The following SYT11 variants were observed in gnomAD, a reference collection of about 807,000 sequenced individuals.
SYT11 encodes synaptotagmin 11.
A neutral mutation model predicts 30.4 loss-of-function variants in SYT11; 12 were observed. The ratio of observed to expected loss-of-function variants is 0.39; its 90% CI spans 0.25 to 0.64. SYT11 has a LOEUF of 0.64. Among genes scored for constraint, SYT11 ranks in the 30% least tolerant of loss-of-function variants. The pLI, the probability that SYT11 is intolerant of heterozygous loss-of-function variation, is 0.45. For missense variants in SYT11, 412 were observed against 552.0 expected (o/e 0.75, Z 2.54); for synonymous variants, 204 against 216.0 (o/e 0.94, Z 0.49).
At position 155,884,999 on chromosome 1, in the gene SYT11, C is replaced by T. The variant is rs1164505007; in HGVS notation, c.*3491C>T. On this transcript the variant is annotated 3_prime_UTR_variant, in exon 4 of 4. Coordinates refer to ENST00000368324, the MANE Select transcript of SYT11 (RefSeq NM_152280.5). ...GTTGTCTTTCTTTACCTTGTGTCTT[C>T]TCTTGTAAAAATGAAACTCAAAAAT... 1 of 152,230 alleles carries T rather than the reference C, an allele frequency of 6.6e-6. No homozygotes were observed. Among genetic ancestry groups the T allele is most frequent in the African/African-American group, 2.4e-5 (1 of 41,248 alleles). The allele number at this position is 152,230 out of a possible 1,614,324, so 9.4% of individuals were successfully genotyped here.
intron 1 of SYT11, among the ~76,000 whole-genome samples, chr1:155,861,112 C>T (rs1033883573): frequency 6.6e-6 from 1 of 152,064 alleles, no homozygotes; most frequent in Non-Finnish European, 1.5e-5. Flanking sequence ...GTGCTCTATC[C>T]CCTCAGAATA....
intron 1 of SYT11, among the ~76,000 whole-genome samples, chr1:155,863,576 C>G (rs1015224496): frequency 1.3e-5 from 2 of 152,034 alleles, no homozygotes; most frequent in African/African-American, 2.4e-5. Context: ...TGCTTGAGCC[C>G]AGGAGTTCAA....
rs371443128 is a variant in SYT11, at chr1:155,868,072, C to T, written c.142C>T (p.Gln48Ter). ...SCCHQQAEKK[Q>*]KNPPYKFIHM... Reference sequence around the variant, plus strand: ...CTGCCACCAGCAGGCAGAGAAGAAGCAGAAGAACCCACCATACAAGTTTAT... The same window carrying T: ...CTGCCACCAGCAGGCAGAGAAGAAGTAGAAGAACCCACCATACAAGTTTAT... The change falls in exon 2 of 4, where the codon CAG becomes TAG. Residue 48 changes from glutamine (Q) to a stop codon, truncating the protein, a stop_gained. Coordinates refer to ENST00000368324, the MANE Select transcript of SYT11 (RefSeq NM_152280.5). LOFTEE classifies it high-confidence loss of function. The surrounding 1 kb of genome is among the most constrained non-coding windows in gnomAD (Gnocchi z 4.7). The T allele has an allele frequency of 2.5e-6, 4 of 1,613,860 alleles. No individual in the cohort carries two copies. Among genetic ancestry groups the T allele is most frequent in the East Asian group, 4.5e-5 (2 of 44,878 alleles).
In SYT11 at chr1:155,883,462, A is replaced by G. The variant is rs61813622; in HGVS notation, c.*1954A>G. On this transcript the variant is annotated 3_prime_UTR_variant, in exon 4 of 4. Transcript: ENST00000368324. ...AGGTGGGAGGATCATTTGAGCCCAGAGGTAGAGGCTGCAGTGAGCCATGAT... is the reference window on the plus strand; with the variant it reads ...AGGTGGGAGGATCATTTGAGCCCAGGGGTAGAGGCTGCAGTGAGCCATGAT... 1.3e-5 allele frequency: 2 copies of G among 152,190 alleles called. No individual in the cohort carries two copies. Among genetic ancestry groups the G allele is most frequent in the Non-Finnish European group, 2.9e-5 (2 of 68,072 alleles). The allele number at this position is 152,190 out of a possible 1,614,324, so 9.4% of individuals were successfully genotyped here.
rs533627639 is a variant in SYT11, at chr1:155,859,868, G to T, written c.34+73G>T. 4.3e-6 allele frequency: 6 copies of T among 1,400,154 alleles called. No homozygotes were observed. The Admixed American group carries it at 1.0e-4, about 23-fold the overall frequency. 86.7% of individuals were successfully genotyped at this position (1,400,154 alleles called of 1,614,324 possible). ...AAGGCCAAGGGGGCCCAGCGGCAGG[G>T]CAGAGAATGCAGCCCAGACCAGAGC... On this transcript the variant is annotated intron_variant, in intron 1 of 3. Coordinates refer to ENST00000368324, the MANE Select transcript of SYT11 (RefSeq NM_152280.5).
chr1:155,868,380 A>T lies in SYT11; in HGVS notation c.450A>T (p.Ser150=). ...GGGAGAGCAAAACCACCTCTCCATCATCTCCAGAGGAGGATGTCATGCTAG... is the reference window on the plus strand; with the variant it reads ...GGGAGAGCAAAACCACCTCTCCATCTTCTCCAGAGGAGGATGTCATGCTAG... ...TPGESKTTSP[S]SPEEDVMLGS... The change falls in exon 2 of 4, where the codon TCA becomes TCT. Residue 150 remains serine, a synonymous_variant. Transcript: ENST00000368324. The surrounding 1 kb of genome is among the most constrained non-coding windows in gnomAD (Gnocchi z 4.7). 1 of 1,614,038 alleles carries T rather than the reference A, an allele frequency of 6.2e-7. No homozygotes were observed. Among genetic ancestry groups the T allele is most frequent in the Non-Finnish European group, 8.5e-7 (1 of 1,179,994 alleles).
chr1:155,877,883 A>T (rs1470733977), intron 2 of SYT11, among the ~76,000 whole-genome samples: 1 of 151,962 alleles, frequency 6.6e-6, no homozygotes, highest in Non-Finnish European at 1.5e-5. Context: ...GAGCTTTCTG[A>T]TGTTGGTCTT....
intron 2 of SYT11, among the ~76,000 whole-genome samples, chr1:155,871,519 T>C (rs1191137676): frequency 1.3e-5 from 2 of 152,182 alleles, no homozygotes; most frequent in African/African-American, 2.4e-5. Context: ...GGGAAGAGAC[T>C]GGCAATGAAA....
At chr1:155,878,902 A>G (rs1672915450) in intron 2 of SYT11, among the ~76,000 whole-genome samples, 1 of 151,084 alleles carries the variant, frequency 6.6e-6, no homozygotes, top group Non-Finnish European at 1.5e-5. Context: ...TAAATAAATT[A>G]ATTAATTAAT....
At chr1:155,876,235 CTTTTTTTTTT>C (rs67952920) in intron 2 of SYT11, among the ~76,000 whole-genome samples, 3 of 96,118 alleles carry the variant, frequency 3.1e-5, no homozygotes, top group East Asian at 3.9e-4. Flanking sequence ...ACTCACCTCC[CTTTTTTTTTT>C]TTTTTTTTTT....
At chr1:155,869,775 T>C (rs777496271) in intron 2 of SYT11, among the ~76,000 whole-genome samples, 1 of 152,210 alleles carries the variant, frequency 6.6e-6, no homozygotes, top group African/African-American at 2.4e-5. Flanking sequence ...TCTTGAGTTG[T>C]AATTTCAGGA....
intron 2 of SYT11, among the ~76,000 whole-genome samples, chr1:155,869,876 G>C (rs1340286509): frequency 1.3e-5 from 2 of 152,094 alleles, no homozygotes; most frequent in Non-Finnish European, 2.9e-5. Context: ...TAAACACTTG[G>C]GCTCCAGAAT....
In SYT11 at chr1:155,868,600, G is replaced by C; in HGVS notation, c.670G>C (p.Asp224His). 6.2e-7 allele frequency: 1 copy of C among 1,614,120 alleles called. No individual in the cohort carries two copies. Among genetic ancestry groups the C allele is most frequent in the Admixed American group, 1.7e-5 (1 of 60,016 alleles). The change falls in exon 2 of 4, where the codon GAC becomes CAC. Residue 224 changes from aspartate (D) to histidine (H), a missense_variant. Transcript: ENST00000368324. This position sits in a 1 kb window ranked among gnomAD's most constrained non-coding sequence, Gnocchi z 4.7. Reference protein sequence around the residue: ...VLRKTLDPVFDETFTFYGIPY... With the variant: ...VLRKTLDPVFHETFTFYGIPY... ...GCGGAAGACCCTGGACCCTGTGTTT[G>C]ACGAGACCTTCACCTTCTATGGCAT... is the stretch of plus-strand genomic sequence containing the variant.
At chr1:155,867,352 C>T (rs1672698320) in intron 1 of SYT11, among the ~76,000 whole-genome samples, 1 of 152,134 alleles carries the variant, frequency 6.6e-6, no homozygotes, top group Non-Finnish European at 1.5e-5. Flanking sequence ...AGCCACTGCA[C>T]CCAGCCTTGT....
chr1:155,876,964 CT>C (rs11337901), intron 2 of SYT11, among the ~76,000 whole-genome samples: 92,867 of 116,956 alleles, frequency 0.79, 38,775 homozygotes, highest in East Asian at 0.92. Context: ...TTTTCTATTT[CT>C]TTTTTTTTTT....
chr1:155,877,281 T>C (rs1157157112), intron 2 of SYT11, among the ~76,000 whole-genome samples: 1 of 151,832 alleles, frequency 6.6e-6, no homozygotes, highest in Non-Finnish European at 1.5e-5. Context: ...TTTTTCTATT[T>C]CTAGTAGAGA....
rs545104469 is a variant in SYT11, at chr1:155,877,872, T to G, written c.862-2628T>G. Among the ~76,000 whole-genome samples the G allele has an allele frequency of 6.6e-4, 101 of 152,240 alleles. 1 individual carries two copies. Among genetic ancestry groups the G allele is most frequent in the Non-Finnish European group, 1.2e-3 (83 of 67,996 alleles). On this transcript the variant is annotated intron_variant, in intron 2 of 3. Transcript: ENST00000368324. ...CTCCCGGCTATAGCGGCCTCTTAACTGAGCTTTCTGATGTTGGTCTTCCTC... is the reference window on the plus strand; with the variant it reads ...CTCCCGGCTATAGCGGCCTCTTAACGGAGCTTTCTGATGTTGGTCTTCCTC...
At chr1:155,865,490 TG>T (rs976338960) in intron 1 of SYT11, among the ~76,000 whole-genome samples, 1 of 151,846 alleles carries the variant, frequency 6.6e-6, no homozygotes. Context: ...TAGCCGGACA[TG>T]GTGGCGCATG....
At chr1:155,872,907 A>T (rs1207968574) in intron 2 of SYT11, among the ~76,000 whole-genome samples, 1 of 152,172 alleles carries the variant, frequency 6.6e-6, no homozygotes, top group East Asian at 1.9e-4. Flanking sequence ...GAGGGATCAG[A>T]TGGAGGACAG....
Sources: gnomAD v4.1 joint callset for allele counts (sites outside exome capture counted in the v4.1 genomes callset) on GRCh38, gnomAD v4.1.1 for gene constraint, Gnocchi (gnomAD v3.1) non-coding constraint, MANE v1.5 for transcripts, NCBI Gene and HGNC (gene_info 2026-07-23, HGNC 2026-07-21) for gene names.